Variants in MEIKIN observed in about 807,000 individuals in gnomAD.
The protein encoded by MEIKIN is meiotic kinetochore factor.
At chr5:131,874,323 G>T (rs6869274) in intron 9 of MEIKIN, among the ~76,000 whole-genome samples, 1 of 152,128 alleles carries the variant, frequency 6.6e-6, no homozygotes, top group Non-Finnish European at 1.5e-5. Context: ...TATCACCACC[G>T]ATCCCACAGA....
intron 8 of MEIKIN, among the ~76,000 whole-genome samples, chr5:131,893,987 G>A (rs1200630541): frequency 3.3e-5 from 5 of 152,250 alleles, no homozygotes; most frequent in Admixed American, 6.5e-5. Flanking sequence ...TCTACGTCAC[G>A]AATGGTATTG....
chr5:131,938,435 TA>T (rs1461805926), intron 4 of MEIKIN, among the ~76,000 whole-genome samples: 3 of 152,156 alleles, frequency 2.0e-5, no homozygotes, highest in African/African-American at 7.2e-5. Context: ...CCCAAAGTGC[TA>T]GGATTACAGG....
At chr5:131,927,683 G>A (rs1439659834) in intron 5 of MEIKIN, among the ~76,000 whole-genome samples, 5 of 152,224 alleles carry the variant, frequency 3.3e-5, no homozygotes, top group African/African-American at 1.2e-4. Flanking sequence ...TCTTCCTGGT[G>A]AATTGACCCT....
chr5:131,886,868 AC>A (rs1392450823), intron 8 of MEIKIN, among the ~76,000 whole-genome samples: 2 of 151,818 alleles, frequency 1.3e-5, no homozygotes, highest in African/African-American at 4.8e-5. Context: ...CAGGTTTGTT[AC>A]ACAGGTATGT....
In MEIKIN at chr5:131,845,272, T is replaced by TAAAAAAAAAAAAAAAAAAAAAAA. The variant is rs1158220526; in HGVS notation, c.975+5969_975+5991dup. On this transcript the variant is annotated intron_variant, in intron 11 of 12. Transcript: ENST00000442687. ...GTGACAGAGCGAGAAGACTTCGTCT[T>TAAAAAAAAAAAAAAAAAAAAAAA]AAAAAAAAAAAAAAAAAAAAAAAAA... Among the ~76,000 whole-genome samples the TAAAAAAAAAAAAAAAAAAAAAAA allele has an allele frequency of 1.8e-4, 8 of 45,358 alleles. 1 individual carries two copies. Among genetic ancestry groups the TAAAAAAAAAAAAAAAAAAAAAAA allele is most frequent in the African/African-American group, 7.0e-4 (5 of 7,160 alleles). The allele number at this position is 45,358 out of a possible 152,430, so 29.8% of individuals were successfully genotyped here. A position where few individuals can be genotyped will look rare whatever the true frequency, so the allele number is the denominator to read the frequency against.
intron 8 of MEIKIN, among the ~76,000 whole-genome samples, chr5:131,893,478 G>A (rs1361294921): frequency 6.6e-6 from 1 of 152,312 alleles, no homozygotes; most frequent in Non-Finnish European, 1.5e-5. Context: ...GATATTCCAG[G>A]TGCCATCTGT....
At chr5:131,922,954 T>C (rs1751529972) in intron 5 of MEIKIN, among the ~76,000 whole-genome samples, 2 of 152,178 alleles carry the variant, frequency 1.3e-5, no homozygotes, top group African/African-American at 4.8e-5. Context: ...TGCAGTGGTG[T>C]GATCTTGGCT....
intron 8 of MEIKIN, among the ~76,000 whole-genome samples, chr5:131,892,629 A>C (rs1421295440): frequency 1.3e-5 from 2 of 152,014 alleles, no homozygotes; most frequent in African/African-American, 4.8e-5. Flanking sequence ...ATTTTTCTTC[A>C]AGGTTTTTAA....
chr5:131,917,776 T>G (rs1751436923), intron 6 of MEIKIN, among the ~76,000 whole-genome samples: 1 of 152,288 alleles, frequency 6.6e-6, no homozygotes, highest in South Asian at 2.1e-4. Flanking sequence ...TCTGTGGTAC[T>G]TATGTTAGAT....
intron 8 of MEIKIN, among the ~76,000 whole-genome samples, chr5:131,883,669 T>C (rs1750732577): frequency 6.6e-6 from 1 of 152,206 alleles, no homozygotes; most frequent in Admixed American, 6.5e-5. Context: ...AACAACTATC[T>C]ACATACAAAA....
intron 8 of MEIKIN, among the ~76,000 whole-genome samples, chr5:131,884,895 T>C (rs969994880): frequency 7.2e-5 from 11 of 152,122 alleles, no homozygotes; most frequent in Admixed American, 3.3e-4. Context: ...CCTGGCAGTA[T>C]TCCCCATGGG....
rs186734043 is a variant in MEIKIN, at chr5:131,898,738, C to T, written c.703+13077G>A. Among the ~76,000 whole-genome samples, 124 of 152,294 alleles carry T rather than the reference C, an allele frequency of 8.1e-4. 1 individual carries two copies. The highest frequency in any genetic ancestry group is 3.4e-3 in the Middle Eastern group (1 of 294). The stretch of plus-strand genomic sequence containing the variant: ...GGCATGGGACCCCGTGAGCGAGGCA[C>T]GGGAGAGAATCTCCTGGTCTGTCGG... On this transcript the variant is annotated intron_variant, in intron 8 of 12. Transcript: ENST00000442687.
intron 8 of MEIKIN, among the ~76,000 whole-genome samples, chr5:131,900,451 C>G (rs1751137901): frequency 6.6e-6 from 1 of 152,116 alleles, no homozygotes; most frequent in Non-Finnish European, 1.5e-5. Flanking sequence ...TACCATGGGC[C>G]TCTGGAATCC....
In MEIKIN at chr5:131,844,486, G is replaced by T. The variant is rs563201811; in HGVS notation, c.975+6778C>A. On this transcript the variant is annotated intron_variant, in intron 11 of 12. Transcript: ENST00000442687. ...AAAACTAAGCAGTACCCAGCAGACT[G>T]CCTGACTTGAGGAGATGTAGCTGAG... 4.1e-4 allele frequency among the ~76,000 whole-genome samples: 62 copies of T among 152,270 alleles called. 1 individual carries two copies. The South Asian group carries it at 0.013, about 31-fold the overall frequency.
intron 12 of MEIKIN, among the ~76,000 whole-genome samples, chr5:131,811,237 A>T (rs993088274): frequency 6.6e-6 from 1 of 152,214 alleles, no homozygotes; most frequent in African/African-American, 2.4e-5. Flanking sequence ...GATTTGTTGC[A>T]TACTTAAGTC....
chr5:131,923,942 A>T (rs1751548799), intron 5 of MEIKIN, among the ~76,000 whole-genome samples: 1 of 152,158 alleles, frequency 6.6e-6, no homozygotes, highest in South Asian at 2.1e-4. Context: ...TCACTCCTAC[A>T]TGTGTAAGTG....
intron 9 of MEIKIN, among the ~76,000 whole-genome samples, chr5:131,873,791 T>C (rs548138558): frequency 1.5e-4 from 23 of 152,304 alleles, no homozygotes; most frequent in Non-Finnish European, 2.9e-4. Flanking sequence ...TATAACAAAC[T>C]GTCTCTCAGA....
chr5:131,860,014 A>G (rs1750254769), intron 9 of MEIKIN, among the ~76,000 whole-genome samples: 1 of 152,186 alleles, frequency 6.6e-6, no homozygotes, highest in Non-Finnish European at 1.5e-5. Context: ...CCTTTTGCTT[A>G]GGACTGCTTT....
At chr5:131,882,997 T>C (rs962109954) in intron 8 of MEIKIN, among the ~76,000 whole-genome samples, 1 of 152,226 alleles carries the variant, frequency 6.6e-6, no homozygotes, top group African/African-American at 2.4e-5. Context: ...CTACCTTATA[T>C]TCCTTAGTTA....
Sources: gnomAD v4.1 joint callset for allele counts (sites outside exome capture counted in the v4.1 genomes callset) on GRCh38, gnomAD v4.1.1 for gene constraint, MANE v1.5 for transcripts, NCBI Gene and HGNC (gene_info 2026-07-23, HGNC 2026-07-21) for gene names.